TAB2: variants seen among roughly 807,000 people sequenced by gnomAD.
The protein encoded by TAB2 is TGF-beta-activated kinase 1 and MAP3K7-binding protein 2.
In TAB2, 3 loss-of-function variants were observed where a neutral mutation model predicts 65.0. That is an observed-to-expected ratio of 0.05 (90% CI 0.02 to 0.12). The LOEUF (loss-of-function observed/expected upper bound fraction) is 0.12. TAB2 is among the 10% of genes least tolerant of loss of function. TAB2 has a pLI of 1.00. For synonymous variants in TAB2, 298 were observed against 285.1 expected (o/e 1.05, Z -0.46); for missense variants, 623 against 840.3 (o/e 0.74, Z 3.20).
chr6:149,241,886 C>T (rs778835000), intron 1 of TAB2, among the ~76,000 whole-genome samples: 15 of 152,186 alleles, frequency 9.9e-5, no homozygotes, highest in Non-Finnish European at 1.3e-4. Flanking sequence ...AGCCCACTCT[C>T]AGCCTTCCAG....
upstream of TAB2, among the ~76,000 whole-genome samples, chr6:149,312,788 G>C (rs73611029): frequency 9.9e-3 from 1,509 of 152,282 alleles, 18 homozygotes; most frequent in African/African-American, 0.034. Flanking sequence ...ACGATGTCTT[G>C]TACAACACAA....
At chr6:149,284,645 TACACACACACACAC>T (rs59723819) in intron 1 of TAB2, among the ~76,000 whole-genome samples, 2,365 of 141,614 alleles carry the variant, frequency 0.017, 52 homozygotes, top group African/African-American at 0.039. Flanking sequence ...ATGATCTCTT[TACACACACACACAC>T]ACACACACAC....
intron 1 of TAB2, among the ~76,000 whole-genome samples, chr6:149,280,698 T>C (rs1778557440): frequency 6.6e-6 from 1 of 152,098 alleles, no homozygotes; most frequent in South Asian, 2.1e-4. Context: ...CCCAGCACTT[T>C]GGGAGGCCAA....
chr6:149,287,018 C>T (rs118145001), intron 1 of TAB2, among the ~76,000 whole-genome samples: 5,404 of 152,108 alleles, frequency 0.036, 116 homozygotes, highest in Non-Finnish European at 0.053. Flanking sequence ...TCGGGAGGCT[C>T]AGACAGGAGA....
intron 1 of TAB2, among the ~76,000 whole-genome samples, chr6:149,305,598 G>GA (rs796495585): frequency 5.7e-4 from 81 of 142,382 alleles, no homozygotes; most frequent in South Asian, 1.3e-3. Flanking sequence ...GTAGTTCAAA[G>GA]AAAAAAAAAA....
chr6:149,249,861 C>A lies in TAB2; in HGVS notation c.-121+31085C>A, dbSNP rs190486031. ...AGAGATGGATAGACAACTACTACTA[C>A]TAATAATAAAATTCTAAGTCCTGTA... On this transcript the variant is annotated intron_variant, in intron 1 of 1. Transcript: ENST00000606202. 6.9e-4 allele frequency among the ~76,000 whole-genome samples: 105 copies of A among 152,320 alleles called. 1 individual carries two copies. Among genetic ancestry groups the A allele is most frequent in the South Asian group, 3.9e-3 (19 of 4,828 alleles).
chr6:149,406,979 A>C (rs1266008775), intron 6 of TAB2, among the ~76,000 whole-genome samples: 1 of 152,186 alleles, frequency 6.6e-6, no homozygotes, highest in East Asian at 1.9e-4. Context: ...GGCCTCCCAA[A>C]GTGCTGGGAT....
chr6:149,236,812 T>C (rs1050390885), intron 1 of TAB2, among the ~76,000 whole-genome samples: 1 of 152,192 alleles, frequency 6.6e-6, no homozygotes, highest in Admixed American at 6.5e-5. Flanking sequence ...AGACAAGAGC[T>C]GTTTGAAGCC....
chr6:149,237,630 G>A (rs745410579), intron 1 of TAB2, among the ~76,000 whole-genome samples: 7 of 152,222 alleles, frequency 4.6e-5, no homozygotes, highest in Admixed American at 1.3e-4. Context: ...CCCCTCATCC[G>A]TCCTCTAGGC....
At chr6:149,307,763 T>C (rs1443033496) in intron 1 of TAB2, among the ~76,000 whole-genome samples, 1 of 152,236 alleles carries the variant, frequency 6.6e-6, no homozygotes, top group Non-Finnish European at 1.5e-5. Flanking sequence ...CAATTTTGAA[T>C]AATTTTATTT....
chr6:149,379,069 C>G lies in TAB2; in HGVS notation c.1154C>G (p.Pro385Arg). 6.2e-7 allele frequency: 1 copy of G among 1,614,162 alleles called. No homozygotes were observed. Among genetic ancestry groups the G allele is most frequent in the Non-Finnish European group, 8.5e-7 (1 of 1,180,044 alleles). Residue 385 changes from proline to arginine, a missense_variant, in exon 3 of 7, where the codon CCT becomes CGT. By Grantham distance (103) the Pro-to-Arg change is moderately radical (BLOSUM62 -2). Transcript: ENST00000637181. ...GATGAGCTGATGTCCCGTAGTCAACCTAAGGTCTATATTTCAGCGAATGCT... is the reference window on the plus strand; with the variant it reads ...GATGAGCTGATGTCCCGTAGTCAACGTAAGGTCTATATTTCAGCGAATGCT... ...NTDELMSRSQ[P>R]KVYISANAAT...
chr6:149,281,288 GC>G (rs1778568399), intron 1 of TAB2, among the ~76,000 whole-genome samples: 1 of 152,042 alleles, frequency 6.6e-6, no homozygotes, highest in African/African-American at 2.4e-5. Flanking sequence ...TATACTCCAT[GC>G]GAACTGGTAC....
At chr6:149,390,239 C>CT (rs1238137287) in intron 3 of TAB2, among the ~76,000 whole-genome samples, 1 of 152,132 alleles carries the variant, frequency 6.6e-6, no homozygotes, top group Non-Finnish European at 1.5e-5. Context: ...GGTACAATGA[C>CT]TTAAGTATGA....
chr6:149,410,344 G>T lies in TAB2; in HGVS notation c.*625G>T. 6.4e-6 allele frequency: 1 copy of T among 155,736 alleles called. No homozygotes were observed. The highest frequency in any genetic ancestry group is 6.3e-5 in the Admixed American group (1 of 15,906). 9.6% of individuals were successfully genotyped at this position (155,736 alleles called of 1,614,324 possible). ...CAAATGTGCAGCGAAATACCCCAAA[G>T]CTTTTCCTACTGTACAGATCTCTCG... On this transcript the variant is annotated 3_prime_UTR_variant, in exon 7 of 7. Coordinates refer to ENST00000637181, the MANE Select transcript of TAB2 (RefSeq NM_001292034.3).
rs542972599 is a variant in TAB2 at position 149,256,672 on chromosome 6, GAA to G, written c.-121+37899_-121+37900del. Among the ~76,000 whole-genome samples, 164 of 152,228 alleles carry G rather than the reference GAA, an allele frequency of 1.1e-3. No homozygotes were observed. In the South Asian group the frequency reaches 0.016, roughly 15 times the overall value. ...CGCTGGATAAAATTTTCCACACATG[GAA>G]AAGCACCCAGTACAGTTCCTGCATT... is the stretch of plus-strand genomic sequence containing the variant. On this transcript the variant is annotated intron_variant, in intron 1 of 1. Transcript: ENST00000606202.
chr6:149,328,356 AG>A (rs1327202559), intron 1 of TAB2, among the ~76,000 whole-genome samples: 1 of 152,104 alleles, frequency 6.6e-6, no homozygotes, highest in Non-Finnish European at 1.5e-5. Context: ...GCAGTGGTGC[AG>A]TCTCAGCTCA....
Position 149,378,335 on chromosome 6 carries a change from T to A in TAB2, c.420T>A (p.Phe140Leu), listed in dbSNP as rs748180025. ...AAGTTCCTCAAGGCTTTAATGTTTT[T>A]GGAATGTCCAGTTCCTCTGGTGCTT... ...PAQVPQGFNVFGMSSSSGASN... is the reference protein window; with the variant it reads ...PAQVPQGFNVLGMSSSSGASN... Residue 140 changes from phenylalanine (F) to leucine (L), a missense_variant, in exon 3 of 7, where the codon TTT (phenylalanine) becomes TTA (leucine). Coordinates refer to ENST00000637181, the MANE Select transcript of TAB2 (RefSeq NM_001292034.3). The A allele has an allele frequency of 6.2e-7, 1 of 1,614,238 alleles. No individual in the cohort carries two copies. Among genetic ancestry groups the A allele is most frequent in the South Asian group, 1.1e-5 (1 of 91,088 alleles).
rs1782523642 is a variant in TAB2 at position 149,403,274 on chromosome 6, A to ACACC, written c.1939+4090_1939+4091insCACC. 6.9e-5 allele frequency among the ~76,000 whole-genome samples: 3 copies of ACACC among 43,388 alleles called. No homozygotes were observed. In the Admixed American group the frequency reaches 7.9e-4, roughly 11 times the overall value. 28.5% of individuals were successfully genotyped at this position (43,388 alleles called of 152,430 possible). A position where few individuals can be genotyped will look rare whatever the true frequency, so the allele number is the denominator to read the frequency against. ...TATATATATATATATATATATATAT[A>ACACC]TATATATATACACACACACACATAT... On this transcript the variant is annotated intron_variant, in intron 6 of 6. Coordinates refer to ENST00000637181, the MANE Select transcript of TAB2 (RefSeq NM_001292034.3).
intron 1 of TAB2, among the ~76,000 whole-genome samples, chr6:149,249,176 A>ACACACACACG (rs1777806313): frequency 1.3e-5 from 2 of 151,614 alleles, no homozygotes; most frequent in African/African-American, 4.9e-5. Flanking sequence ...ACACGCACAC[A>ACACACACACG]CACACACACA....
Sources: gnomAD v4.1 joint callset for allele counts (sites outside exome capture counted in the v4.1 genomes callset) on GRCh38, gnomAD v4.1.1 for gene constraint, MANE v1.5 for transcripts, NCBI Gene and HGNC (gene_info 2026-07-23, HGNC 2026-07-21) for gene names.